The following SAMMSON variants were observed in gnomAD, a reference collection of about 807,000 sequenced individuals.
SAMMSON encodes the protein long intergenic non-protein coding RNA 1212.
At chr3:70,198,811 G>T (rs1252454484) in intron 4 of SAMMSON, among the ~76,000 whole-genome samples, 1 of 152,104 alleles carries the variant, frequency 6.6e-6, no homozygotes, top group Non-Finnish European at 1.5e-5. Flanking sequence ...TCTTCACTTA[G>T]AGCCAGCTTT....
intron 6 of SAMMSON, among the ~76,000 whole-genome samples, chr3:70,263,619 C>T (rs913626617): frequency 6.6e-6 from 1 of 152,188 alleles, no homozygotes; most frequent in Non-Finnish European, 1.5e-5. Context: ...TCACTTCACA[C>T]ATGTAGATGG....
intron 3 of SAMMSON, among the ~76,000 whole-genome samples, chr3:70,015,631 T>C (rs1441282045): frequency 1.3e-5 from 2 of 152,122 alleles, no homozygotes; most frequent in Non-Finnish European, 2.9e-5. Flanking sequence ...TTGTTACATA[T>C]GTATACATGT....
chr3:70,418,970 C>CT (rs374917823), intron 2 of SAMMSON, among the ~76,000 whole-genome samples: 19,109 of 83,866 alleles, frequency 0.23, 2,235 homozygotes, highest in Non-Finnish European at 0.31. Context: ...CTTTCCTTTC[C>CT]TTCCTTCCTT....
chr3:70,289,193 G>C (rs1347805381), intron 6 of SAMMSON, among the ~76,000 whole-genome samples: 1 of 150,010 alleles, frequency 6.7e-6, no homozygotes, highest in South Asian at 2.2e-4. Context: ...TGCAGCGGCT[G>C]GTACCGGTTG....
At chr3:70,434,066 G>C (rs1171209630) in intron 2 of SAMMSON, among the ~76,000 whole-genome samples, 2 of 152,136 alleles carry the variant, frequency 1.3e-5, no homozygotes, top group Non-Finnish European at 2.9e-5. Context: ...AATTCTTGAA[G>C]CTGGGTTATA....
At chr3:70,065,220 G>T (rs2067205217) in intron 3 of SAMMSON, 1 of 151,982 alleles carries the variant, frequency 6.6e-6, no homozygotes, top group African/African-American at 2.4e-5. Flanking sequence ...AGAGGTCACT[G>T]GTCTTTCCTT....
intron 2 of SAMMSON, among the ~76,000 whole-genome samples, chr3:70,419,416 C>G (rs1701294190): frequency 6.6e-6 from 1 of 152,078 alleles, no homozygotes. Context: ...TCACTTAAGA[C>G]CTCCAAATTT....
intron 7 of SAMMSON, among the ~76,000 whole-genome samples, chr3:70,345,565 A>G (rs1043863241): frequency 1.3e-5 from 2 of 152,216 alleles, no homozygotes; most frequent in Non-Finnish European, 2.9e-5. Flanking sequence ...TAACTAACAC[A>G]TAGTGTCATC....
intron 4 of SAMMSON, among the ~76,000 whole-genome samples, chr3:70,074,024 A>G (rs1336681829): frequency 6.6e-6 from 1 of 151,824 alleles, no homozygotes; most frequent in Non-Finnish European, 1.5e-5. Flanking sequence ...TATTATTATT[A>G]CTATTACTAT....
At chr3:70,256,696 A>G (rs1321259351) in intron 6 of SAMMSON, among the ~76,000 whole-genome samples, 1 of 152,208 alleles carries the variant, frequency 6.6e-6, no homozygotes, top group Non-Finnish European at 1.5e-5. Context: ...ATGGGGAAGC[A>G]ATGGAAAGGG....
At chr3:70,288,067 G>A (rs1452061107) in intron 6 of SAMMSON, among the ~76,000 whole-genome samples, 24 of 149,372 alleles carry the variant, frequency 1.6e-4, no homozygotes, top group African/African-American at 5.9e-4. Flanking sequence ...CTTCAGTTCT[G>A]CTCTGATTTT....
At chr3:70,417,702 C>T (rs1701274438) in intron 2 of SAMMSON, among the ~76,000 whole-genome samples, 1 of 152,026 alleles carries the variant, frequency 6.6e-6, no homozygotes, top group South Asian at 2.1e-4. Context: ...CCCAAAGACC[C>T]AGTAACTCAA....
At chr3:70,394,823 G>C (rs1701078027), downstream of SAMMSON, among the ~76,000 whole-genome samples, 1 of 152,114 alleles carries the variant, frequency 6.6e-6, no homozygotes, top group South Asian at 2.1e-4. Context: ...CAGGAACCAA[G>C]AGCTGATTGA....
chr3:70,285,532 CTTTATAGCAGCA>C (rs1702152194), intron 6 of SAMMSON, among the ~76,000 whole-genome samples: 1 of 151,932 alleles, frequency 6.6e-6, no homozygotes, highest in African/African-American at 2.4e-5. Context: ...GTGCATGTGT[CTTTATAGCAGCA>C]TGATTTATAG....
intron 4 of SAMMSON, among the ~76,000 whole-genome samples, chr3:70,095,521 A>G (rs546912742): frequency 6.6e-6 from 1 of 152,036 alleles, no homozygotes; most frequent in South Asian, 2.1e-4. Flanking sequence ...TCTTTGTAGG[A>G]CTCGTCGTGT....
chr3:70,358,414 C>A (rs1702845508), intron 9 of SAMMSON: 1 of 152,036 alleles, frequency 6.6e-6, no homozygotes, highest in Admixed American at 6.6e-5. Context: ...GAAAAGCTGG[C>A]CATTTAATAT....
At chr3:70,154,929 C>G (rs1313516200) in intron 4 of SAMMSON, among the ~76,000 whole-genome samples, 1 of 151,278 alleles carries the variant, frequency 6.6e-6, no homozygotes. Flanking sequence ...GGTAGGGGTT[C>G]ATGACATGAA....
intron 6 of SAMMSON, among the ~76,000 whole-genome samples, chr3:70,279,630 C>A (rs987792128): frequency 6.6e-6 from 1 of 152,124 alleles, no homozygotes; most frequent in African/African-American, 2.4e-5. Flanking sequence ...TGCTCTCTTG[C>A]GCTACATGCT....
chr3:70,250,511 A>G (rs1701754495), intron 6 of SAMMSON, among the ~76,000 whole-genome samples: 1 of 151,844 alleles, frequency 6.6e-6, no homozygotes, highest in African/African-American at 2.4e-5. Context: ...CATTTCTTTG[A>G]GCTTTTAGAT....
Sources: allele counts gnomAD v4.1 joint callset (sites outside exome capture counted in the v4.1 genomes callset), GRCh38; gene constraint gnomAD v4.1.1; transcripts MANE v1.5; gene names NCBI Gene and HGNC (gene_info 2026-07-23, HGNC 2026-07-21).